The following CFAP47 variants were observed in gnomAD, a reference collection of about 807,000 sequenced individuals.
CFAP47 encodes cilia- and flagella-associated protein 47.
CFAP47 carries 29 observed loss-of-function variants against 148.1 expected under a neutral mutation model. The observed-to-expected ratio is 0.20, with a 90% CI of 0.15 to 0.27. The LOEUF (loss-of-function observed/expected upper bound fraction) is 0.27, where lower values mean the gene tolerates loss of function less well. CFAP47 is among the 10% of genes least tolerant of loss of function. CFAP47 has a pLI of 1.00. For synonymous variants in CFAP47, 664 were observed against 577.3 expected (o/e 1.15, Z -2.15); for missense variants, 1,872 against 1,697.5 (o/e 1.10, Z -1.81).
At chrX:36,339,284 G>A (rs896712930) in intron 57 of CFAP47, among the ~76,000 whole-genome samples, 1 of 111,281 alleles carries the variant, frequency 9.0e-6, no homozygotes, top group Non-Finnish European at 1.9e-5. Context: ...GAAATAGTGA[G>A]TAATTGAGCA....
chrX:35,924,269 A>G (rs1339583135), intron 1 of CFAP47, among the ~76,000 whole-genome samples: 1 of 103,543 alleles, frequency 9.7e-6, no homozygotes, highest in African/African-American at 3.9e-5. Flanking sequence ...GTATGTGTAC[A>G]TGTATGTGTA....
chrX:36,270,775 T>C (rs1198966825), intron 49 of CFAP47, among the ~76,000 whole-genome samples: 1 of 107,692 alleles, frequency 9.3e-6, no homozygotes, highest in Non-Finnish European at 1.9e-5. Flanking sequence ...CACAAATCCT[T>C]TATCAGATAC....
At chrX:36,098,654 T>C (rs139664875) in intron 30 of CFAP47, 139 bp from the exon 31 acceptor site, 56 of 314,923 alleles carry the variant, frequency 1.8e-4, no homozygotes, top group African/African-American at 1.4e-3. Flanking sequence ...TCTGGCTAAT[T>C]ATATAACTTT....
At chrX:36,235,399 C>T (rs781861065) in intron 46 of CFAP47, among the ~76,000 whole-genome samples, 2 of 112,398 alleles carry the variant, frequency 1.8e-5, no homozygotes, top group Non-Finnish European at 3.8e-5. Flanking sequence ...AGCGAGACTC[C>T]GTGGGCGTAG....
chrX:36,232,825 T>C (rs1156446983), intron 46 of CFAP47, among the ~76,000 whole-genome samples: 1 of 111,783 alleles, frequency 8.9e-6, no homozygotes, highest in East Asian at 2.8e-4. Flanking sequence ...TCTTTGTTCT[T>C]ATTGGTTTCA....
intron 30 of CFAP47, among the ~76,000 whole-genome samples, chrX:36,094,024 A>C (rs923205463): frequency 1.8e-5 from 2 of 111,388 alleles, no homozygotes; most frequent in Non-Finnish European, 3.8e-5. Flanking sequence ...TTAAGCCTTT[A>C]TTATATTTTG....
intron 7 of CFAP47, among the ~76,000 whole-genome samples, chrX:35,954,045 T>C (rs1407869122): frequency 9.0e-6 from 1 of 110,911 alleles, no homozygotes; most frequent in African/African-American, 3.3e-5. Flanking sequence ...TCTCAGGGAT[T>C]GGTATGGGGA....
chrX:36,007,549 G>A (rs771684851), intron 21 of CFAP47, among the ~76,000 whole-genome samples: 12 of 111,908 alleles, frequency 1.1e-4, no homozygotes, highest in African/African-American at 3.9e-4. Context: ...GATAGGGCTC[G>A]TCTTTTCTTT....
At chrX:36,235,894 A>G in intron 46 of CFAP47, 40 bp from the exon 47 acceptor site, 1 of 434,310 alleles carries the variant, frequency 2.3e-6, no homozygotes, top group Non-Finnish European at 4.1e-6. Context: ...TTTCATCAAT[A>G]TCATCTCTCT....
intron 16 of CFAP47, among the ~76,000 whole-genome samples, chrX:35,990,797 A>C (rs2146683763): frequency 9.0e-6 from 1 of 111,535 alleles, no homozygotes; most frequent in East Asian, 2.8e-4. Flanking sequence ...AGTATATTTT[A>C]AATATTCCAT....
In CFAP47 at chrX:36,026,769, C is replaced by T. The variant is rs1346528301; in HGVS notation, c.3557-4484C>T. The stretch of plus-strand genomic sequence containing the variant: ...ACACCATTTCAATGTTAACAAAAAA[C>T]TCTGATCAAGTCCATCATTAACTCC... On this transcript the variant is annotated intron_variant, in intron 22 of 63. Coordinates refer to ENST00000378653, the MANE Select transcript of CFAP47 (RefSeq NM_001304548.2). Among the ~76,000 whole-genome samples the T allele has an allele frequency of 3.6e-5, 4 of 110,396 alleles. No individual in the cohort carries two copies. In the East Asian group the frequency reaches 1.1e-3, roughly 31 times the overall value.
chrX:35,970,640 C>A, intron 10 of CFAP47, 128 bp from the exon 11 acceptor site: 1 of 439,430 alleles, frequency 2.3e-6, no homozygotes. Context: ...AGGGGAAGGA[C>A]TAGAATCTGT....
intron 22 of CFAP47, among the ~76,000 whole-genome samples, chrX:36,027,739 TTC>T (rs1234540178): frequency 1.8e-5 from 2 of 111,853 alleles, no homozygotes; most frequent in Admixed American, 9.5e-5. Context: ...TCCACACTAT[TTC>T]CATAAATGTT....
intron 15 of CFAP47, among the ~76,000 whole-genome samples, chrX:35,978,381 A>T (rs1936598016): frequency 2.7e-5 from 3 of 112,203 alleles, no homozygotes; most frequent in African/African-American, 9.7e-5. Flanking sequence ...TGGAATTATG[A>T]TATTATAAGC....
At chrX:36,183,649 A>T (rs1939775050) in intron 40 of CFAP47, among the ~76,000 whole-genome samples, 1 of 112,277 alleles carries the variant, frequency 8.9e-6, no homozygotes, top group African/African-American at 3.2e-5. Flanking sequence ...CTTTGTAAGC[A>T]ATCAGATACA....
intron 42 of CFAP47, among the ~76,000 whole-genome samples, chrX:36,193,472 A>AT (rs1446239224): frequency 9.1e-6 from 1 of 110,453 alleles, no homozygotes; most frequent in African/African-American, 3.3e-5. Flanking sequence ...TTGTCCTTTG[A>AT]TTTTTTTATT....
chrX:36,163,757 C>T (rs1397677331), intron 39 of CFAP47, among the ~76,000 whole-genome samples: 1 of 110,212 alleles, frequency 9.1e-6, no homozygotes, highest in African/African-American at 3.3e-5. Flanking sequence ...TTACAGGCGC[C>T]TACCACCACA....
At chrX:35,952,125 A>G (rs1410742228) in intron 6 of CFAP47, among the ~76,000 whole-genome samples, 162 bp downstream of exon 6, 7 of 112,370 alleles carry the variant, frequency 6.2e-5, no homozygotes, top group Non-Finnish European at 1.3e-4. Context: ...ATGGTTAGTA[A>G]TATTTCTAAT....
intron 26 of CFAP47, among the ~76,000 whole-genome samples, chrX:36,051,591 A>C (rs1937520540): frequency 8.9e-6 from 1 of 111,883 alleles, no homozygotes; most frequent in Admixed American, 9.5e-5. Context: ...ATATCTAGGA[A>C]GTAATTAACT....
Sources: allele counts gnomAD v4.1 joint callset (sites outside exome capture counted in the v4.1 genomes callset), GRCh38; gene constraint gnomAD v4.1.1; transcripts MANE v1.5; gene names NCBI Gene and HGNC (gene_info 2026-07-23, HGNC 2026-07-21).